CROCC: variants seen among roughly 807,000 people sequenced by gnomAD.
CROCC encodes rootletin.
Under a neutral mutation model 245.2 loss-of-function variants are expected in CROCC, and 180 were observed. The observed-to-expected ratio is 0.73, with a 90% CI of 0.65 to 0.83. The LOEUF is 0.83. Among genes scored for constraint, CROCC ranks in the 40% least tolerant of loss-of-function variants. The pLI, the probability that CROCC is intolerant of heterozygous loss-of-function variation, is 0.00. For missense variants in CROCC, 2,688 were observed against 2,779.4 expected, an observed-to-expected ratio of 0.97 and a Z score of 0.74; for synonymous variants, 1,205 against 1,241.6, an observed-to-expected ratio of 0.97 and a Z score of 0.62.
intron 19 of CROCC, 60 bp from the exon 20 acceptor site, chr1:16,950,893 T>G: frequency 7.0e-7 from 1 of 1,428,436 alleles, no homozygotes; most frequent in Non-Finnish European, 9.3e-7. Context: ...GGCCTAAGTC[T>G]GCTGGCCCAA....
rs1303338651 is a variant in CROCC at position 16,968,133 on chromosome 1, C to T, written c.4861-70C>T. ...CTGCTCCCCACTTTCCCCCTAAGGG[C>T]CCCAGGGCGTGTGCGGGAGGGCTGC... is the stretch of plus-strand genomic sequence containing the variant. On this transcript the variant is annotated intron_variant, in intron 30 of 36. Coordinates refer to ENST00000375541, the MANE Select transcript of CROCC (RefSeq NM_014675.5). 5 of 1,470,748 alleles carry T rather than the reference C, an allele frequency of 3.4e-6. No individual in the cohort carries two copies. The Admixed American group carries it at 5.9e-5, about 17-fold the overall frequency. 91.1% of individuals were successfully genotyped at this position (1,470,748 alleles called of 1,614,324 possible). A position where few individuals can be genotyped will look rare whatever the true frequency, so the allele number is the denominator to read the frequency against.
intron 23 of CROCC, 57 bp from the exon 24 acceptor site, chr1:16,955,255 C>T (rs2076230071): frequency 1.3e-6 from 2 of 1,552,230 alleles, no homozygotes; most frequent in Admixed American, 3.4e-5. Flanking sequence ...GGTACAAGAC[C>T]CAGCTTGACG....
intron 8 of CROCC, 92 bp from the exon 9 acceptor site, chr1:16,936,545 A>T: frequency 7.7e-7 from 1 of 1,292,420 alleles, no homozygotes; most frequent in Non-Finnish European, 1.1e-6. Flanking sequence ...CTGGGATTAT[A>T]GGTGTGAGCC....
intron 11 of CROCC, 76 bp downstream of exon 11, chr1:16,938,559 C>G (rs1184837697): frequency 7.3e-7 from 1 of 1,368,530 alleles, no homozygotes; most frequent in Non-Finnish European, 1.0e-6. Context: ...TTTCGGTGAC[C>G]TGGGACTGAA....
chr1:16,933,974 CA>C (rs1266914367), intron 8 of CROCC, among the ~76,000 whole-genome samples: 2 of 152,286 alleles, frequency 1.3e-5, no homozygotes, highest in Non-Finnish European at 2.9e-5. Context: ...TGTCAATTAA[CA>C]TGTTTCTTTA....
intron 7 of CROCC, among the ~76,000 whole-genome samples, 164 bp downstream of exon 7, chr1:16,930,758 A>G (rs1229454225): frequency 3.3e-5 from 5 of 152,300 alleles, no homozygotes; most frequent in Admixed American, 2.0e-4. Context: ...ATCAGTGTGT[A>G]GCATGTACCA....
rs768195538 is a variant in CROCC at position 16,946,273 on chromosome 1, C to T, written c.2151C>T (p.Arg717=). 19 of 1,612,998 alleles carry T rather than the reference C, an allele frequency of 1.2e-5. No individual in the cohort carries two copies. The highest frequency in any genetic ancestry group is 5.5e-5 in the South Asian group (5 of 91,016). The part of the protein sequence containing the change: ...AEALTKAEAG[R]VELELSMTKL... ...TGACCCTGCAGGCTGAGGCTGGCCG[C>T]GTGGAGCTCGAGCTCTCCATGACCA... is the stretch of plus-strand genomic sequence containing the variant. The change falls in exon 16 of 37, where the codon CGC becomes CGT. Residue 717 remains arginine (R), a synonymous_variant. Transcript: ENST00000375541.
intron 3 of CROCC, among the ~76,000 whole-genome samples, 171 bp from the exon 4 acceptor site, chr1:16,929,675 C>T (rs2075618827): frequency 6.6e-6 from 1 of 152,276 alleles, no homozygotes; most frequent in African/African-American, 2.4e-5. Flanking sequence ...TGCATCACCC[C>T]ATACACACGT....
At chr1:16,939,233 C>A in intron 12 of CROCC, 91 bp downstream of exon 12, 4 of 1,130,092 alleles carry the variant, frequency 3.5e-6, no homozygotes, top group Non-Finnish European at 2.3e-6. Flanking sequence ...GGGGCAGGTC[C>A]GGGGCCAGGG....
At position 16,968,347 on chromosome 1, in the gene CROCC, C is replaced by T. The variant is rs1167245981; in HGVS notation, c.5005C>T (p.Arg1669Cys). The T allele has an allele frequency of 9.1e-6, 14 of 1,543,936 alleles. No individual in the cohort carries two copies. The highest frequency in any genetic ancestry group is 6.0e-5 in the South Asian group (5 of 83,664). The change falls in exon 31 of 37, where the codon CGC becomes TGC. Residue 1669 changes from arginine (R) to cysteine (C), a missense_variant. Transcript: ENST00000375541. The part of the protein sequence containing the change: ...RSLEGELQRS[R>C]LGLSDREAQA... ...GCTTGAGGGGGAGCTGCAGCGCAGC[C>T]GCCTGGGCCTCAGTGACCGCGAGGC...
chr1:16,947,925 G>A (rs1341858702), intron 17 of CROCC, among the ~76,000 whole-genome samples: 55 of 152,266 alleles, frequency 3.6e-4, no homozygotes, highest in African/African-American at 1.1e-3. Context: ...TGCAACCTCC[G>A]CCTCCAGGGT....
chr1:16,949,485 T>C (rs975623405), intron 19 of CROCC, among the ~76,000 whole-genome samples: 1 of 152,248 alleles, frequency 6.6e-6, no homozygotes, highest in African/African-American at 2.4e-5. Flanking sequence ...AGATGGTTTT[T>C]AGATGGTAGC....
chr1:16,971,698 A>T, intron 36 of CROCC, 51 bp downstream of exon 36: 1 of 1,414,506 alleles, frequency 7.1e-7, no homozygotes, highest in Non-Finnish European at 9.3e-7. Context: ...GTGGGGCTGC[A>T]GAAAGAGGAG....
Position 16,966,593 on chromosome 1 carries a change from G to A in CROCC, c.4860+22G>A. The A allele has an allele frequency of 6.9e-7, 1 of 1,457,080 alleles. No individual in the cohort carries two copies. The highest frequency in any genetic ancestry group is 9.0e-7 in the Non-Finnish European group (1 of 1,107,172). The allele number at this position is 1,457,080 out of a possible 1,614,324, so 90.3% of individuals were successfully genotyped here. On this transcript the variant is annotated intron_variant, in intron 30 of 36. Transcript: ENST00000375541. The surrounding 1 kb of genome is among the most constrained non-coding windows in gnomAD (Gnocchi z 4.8). ...CCAGGTGGGCAGGAGCTGAGGGCCA[G>A]CGGGGCGACGGGGAATCTGTGTACC...
At chr1:16,920,480 A>G (rs2075380619), upstream of CROCC, among the ~76,000 whole-genome samples, 1 of 152,236 alleles carries the variant, frequency 6.6e-6, no homozygotes, top group Non-Finnish European at 1.5e-5. Flanking sequence ...GGCTTGAGCC[A>G]CTGCACCTGG....
In CROCC at chr1:16,927,210, C is replaced by T. The variant is rs541472539; in HGVS notation, c.352-2636C>T. Among the ~76,000 whole-genome samples the T allele has an allele frequency of 3.9e-5, 6 of 152,366 alleles. No homozygotes were observed. In the South Asian group the frequency reaches 6.2e-4, roughly 16 times the overall value. ...TTCACAGAATATGCACAGTGTTAGC[C>T]GCACACACAGCCAGATGCCACACAA... On this transcript the variant is annotated intron_variant, in intron 3 of 36. Transcript: ENST00000375541.
chr1:16,932,685 G>A (rs1405354163), intron 8 of CROCC, among the ~76,000 whole-genome samples: 1 of 152,220 alleles, frequency 6.6e-6, no homozygotes, highest in Non-Finnish European at 1.5e-5. Flanking sequence ...GGCAGCCAGG[G>A]GGGTTGCAAT....
rs559479465 is a variant in CROCC at position 16,948,721 on chromosome 1, G to A, written c.2709-78G>A. ...GTAGATTGGCACTTGGCCCATGCCTGGCCACTCCCTGAGATCCACAGTTTC... is the reference window on the plus strand; with the variant it reads ...GTAGATTGGCACTTGGCCCATGCCTAGCCACTCCCTGAGATCCACAGTTTC... On this transcript the variant is annotated intron_variant, in intron 18 of 36. Transcript: ENST00000375541. The A allele has an allele frequency of 1.9e-4, 302 of 1,587,948 alleles. No individual in the cohort carries two copies. In the African/African-American group the frequency reaches 3.6e-3, roughly 19 times the overall value.
At chr1:16,932,844 T>C (rs1342696422) in intron 8 of CROCC, among the ~76,000 whole-genome samples, 3 of 152,288 alleles carry the variant, frequency 2.0e-5, no homozygotes, top group South Asian at 4.1e-4. Flanking sequence ...TTTAGTGCGT[T>C]AAAAACATTT....
Sources: gnomAD v4.1 joint callset for allele counts (sites outside exome capture counted in the v4.1 genomes callset) on GRCh38, gnomAD v4.1.1 for gene constraint, Gnocchi (gnomAD v3.1) non-coding constraint, MANE v1.5 for transcripts, NCBI Gene and HGNC (gene_info 2026-07-23, HGNC 2026-07-21) for gene names.